SLAIN1: variants seen among roughly 807,000 people sequenced by gnomAD.
SLAIN1 encodes the protein SLAIN motif-containing protein 1.
A neutral mutation model predicts 55.4 loss-of-function variants in SLAIN1; 17 were observed. The observed-to-expected ratio is 0.31, with a 90% CI of 0.21 to 0.46. SLAIN1 has a LOEUF of 0.46. Among genes scored for constraint, SLAIN1 ranks in the 20% least tolerant of loss-of-function variants. The pLI, the probability that SLAIN1 is intolerant of heterozygous loss-of-function variation, is 1.00. For missense variants in SLAIN1, 682 were observed against 785.1 expected, an observed-to-expected ratio of 0.87 and a Z score of 1.57; for synonymous variants, 348 against 337.4, an observed-to-expected ratio of 1.03 and a Z score of -0.35.
In SLAIN1 at chr13:77,698,645, T is replaced by C; in HGVS notation, c.626+106T>C. The C allele has an allele frequency of 7.7e-7, 1 of 1,297,980 alleles. No homozygotes were observed. The allele number at this position is 1,297,980 out of a possible 1,614,324, so 80.4% of individuals were successfully genotyped here. A position where few individuals can be genotyped will look rare whatever the true frequency, so the allele number is the denominator to read the frequency against. On this transcript the variant is annotated intron_variant, in intron 1 of 6. Transcript: ENST00000418532. The surrounding 1 kb of genome is among the most constrained non-coding windows in gnomAD (Gnocchi z 4.1). ...GGGGGTCCCCTCGCGGCAGCCGGGG[T>C]GACTCCCCGCGGCTCCCGGAGGGGC... is the stretch of plus-strand genomic sequence containing the variant.
intron 2 of SLAIN1, among the ~76,000 whole-genome samples, chr13:77,737,469 T>G (rs1873177718): frequency 6.6e-6 from 1 of 152,114 alleles, no homozygotes; most frequent in African/African-American, 2.4e-5. Context: ...CATTAAAGTA[T>G]AAACTGTTCA....
At position 77,698,623 on chromosome 13, in the gene SLAIN1, G is replaced by A; in HGVS notation, c.626+84G>A. ...GGAGCGGGGGCGGGGGGCGGACGGG[G>A]GTCCCCTCGCGGCAGCCGGGGTGAC... On this transcript the variant is annotated intron_variant, in intron 1 of 6. Coordinates refer to ENST00000418532, the MANE Select transcript of SLAIN1 (RefSeq NM_001242868.2). This position sits in a 1 kb window ranked among gnomAD's most constrained non-coding sequence, Gnocchi z 4.1. 3 of 1,321,230 alleles carry A rather than the reference G, an allele frequency of 2.3e-6. No individual in the cohort carries two copies. Among genetic ancestry groups the A allele is most frequent in the Non-Finnish European group, 2.9e-6 (3 of 1,039,982 alleles). 81.8% of individuals were successfully genotyped at this position (1,321,230 alleles called of 1,614,324 possible).
chr13:77,753,709 T>C (rs73547789), intron 5 of SLAIN1, among the ~76,000 whole-genome samples: 3,502 of 152,276 alleles, frequency 0.023, 142 homozygotes, highest in African/African-American at 0.08. Context: ...GTGATTGATT[T>C]ATCCACTCAT....
rs559853395 is a variant in SLAIN1 at position 77,744,263 on chromosome 13, A to G, written c.767-20A>G. On this transcript the variant is annotated intron_variant, in intron 2 of 6. Coordinates refer to ENST00000418532, the MANE Select transcript of SLAIN1 (RefSeq NM_001242868.2). Reference sequence around the variant, plus strand: ...ATCAGTCCTGCAGATGGAAGAACACACTTTTCCTTTGTGTTTCAGGTTACA... The same window carrying G: ...ATCAGTCCTGCAGATGGAAGAACACGCTTTTCCTTTGTGTTTCAGGTTACA... The G allele has an allele frequency of 3.1e-5, 49 of 1,556,750 alleles. No homozygotes were observed. In the South Asian group the frequency reaches 4.1e-4, roughly 13 times the overall value.
intron 1 of SLAIN1, among the ~76,000 whole-genome samples, chr13:77,706,125 G>GT (rs2091087441): frequency 6.6e-6 from 1 of 152,008 alleles, no homozygotes; most frequent in African/African-American, 2.4e-5. Flanking sequence ...TCTACTAGCT[G>GT]TTTCTTTTTC....
In SLAIN1 at chr13:77,726,305, A is replaced by G. The variant is rs548762328; in HGVS notation, c.766+6634A>G. Among the ~76,000 whole-genome samples, 3 of 152,342 alleles carry G rather than the reference A, an allele frequency of 2.0e-5. No individual in the cohort carries two copies. In the South Asian group the frequency reaches 6.2e-4, roughly 32 times the overall value. On this transcript the variant is annotated intron_variant, in intron 2 of 6. Coordinates refer to ENST00000418532, the MANE Select transcript of SLAIN1 (RefSeq NM_001242868.2). ...CACAACCACAATTTTGCAAATGGTT[A>G]AATATTTTTTAAAAGATATAATAAG...
At chr13:77,740,160 G>A (rs993787866) in intron 2 of SLAIN1, among the ~76,000 whole-genome samples, 4 of 152,070 alleles carry the variant, frequency 2.6e-5, no homozygotes, top group African/African-American at 7.2e-5. Flanking sequence ...TACCTTTAAG[G>A]TCTTGCATTT....
At chr13:77,759,363 C>A (rs1330543420) in intron 5 of SLAIN1, among the ~76,000 whole-genome samples, 4 of 152,050 alleles carry the variant, frequency 2.6e-5, no homozygotes, top group Non-Finnish European at 5.9e-5. Context: ...GGTATCTAAT[C>A]ATATTATTGG....
chr13:77,698,747 A>G lies in SLAIN1; in HGVS notation c.626+208A>G, dbSNP rs573914258. Reference sequence around the variant, plus strand: ...TCATGAAGGCAGAAACCTGTTTTCTAATCGCTCCGACTGCGGATGAACCGG... The same window carrying G: ...TCATGAAGGCAGAAACCTGTTTTCTGATCGCTCCGACTGCGGATGAACCGG... On this transcript the variant is annotated intron_variant, in intron 1 of 6. Coordinates refer to ENST00000418532, the MANE Select transcript of SLAIN1 (RefSeq NM_001242868.2). The surrounding 1 kb of genome is among the most constrained non-coding windows in gnomAD (Gnocchi z 4.1). The G allele has an allele frequency of 7.0e-5, 79 of 1,122,116 alleles. No individual in the cohort carries two copies. The South Asian group carries it at 1.5e-3, about 21-fold the overall frequency. 69.5% of individuals were successfully genotyped at this position (1,122,116 alleles called of 1,614,324 possible). A position where few individuals can be genotyped will look rare whatever the true frequency, so the allele number is the denominator to read the frequency against.
intron 2 of SLAIN1, among the ~76,000 whole-genome samples, chr13:77,733,978 C>G (rs1872997951): frequency 6.6e-6 from 1 of 152,172 alleles, no homozygotes; most frequent in Non-Finnish European, 1.5e-5. Flanking sequence ...GCTTGTATCT[C>G]AGTCTGTGCA....
At chr13:77,716,133 T>TC in intron 1 of SLAIN1, among the ~76,000 whole-genome samples, 1 of 152,116 alleles carries the variant, frequency 6.6e-6, no homozygotes, top group South Asian at 2.1e-4. Context: ...GTTTTTTTTT[T>TC]TCTCACATAT....
chr13:77,707,309 T>A (rs544739963), intron 1 of SLAIN1, among the ~76,000 whole-genome samples: 46 of 152,266 alleles, frequency 3.0e-4, no homozygotes, highest in African/African-American at 1.1e-3. Flanking sequence ...TAGTTTCATT[T>A]CCCAAGCATG....
Position 77,719,651 on chromosome 13 carries a change from T to G in SLAIN1, c.746T>G (p.Leu249Arg). 1 of 1,613,400 alleles carries G rather than the reference T, an allele frequency of 6.2e-7. No individual in the cohort carries two copies. Among genetic ancestry groups the G allele is most frequent in the Non-Finnish European group, 8.5e-7 (1 of 1,179,522 alleles). ...GAGATGGAAGCAGCGAGACGTTCCC[T>G]GTGCTTTAGACTGGAGCAAGGTAAT... is the stretch of plus-strand genomic sequence containing the variant. ...TPEMEAARRS[L>R]CFRLEQGYTS... Residue 249 changes from leucine (L) to arginine (R), a missense_variant, in exon 2 of 7, where the codon CTG (leucine) becomes CGG (arginine). Transcript: ENST00000418532.
At chr13:77,699,253 A>AT (rs908909911) in intron 1 of SLAIN1, 19 of 366,396 alleles carry the variant, frequency 5.2e-5, no homozygotes, top group Middle Eastern at 7.3e-4. Flanking sequence ...TTATTTATTT[A>AT]TTTTTTTACC....
At chr13:77,707,622 GT>G (rs1468829157) in intron 1 of SLAIN1, among the ~76,000 whole-genome samples, 1 of 152,088 alleles carries the variant, frequency 6.6e-6, no homozygotes, top group East Asian at 1.9e-4. Context: ...GATTGGATGG[GT>G]AGCCAGGCCA....
intron 4 of SLAIN1, among the ~76,000 whole-genome samples, chr13:77,747,135 G>T (rs193063274): frequency 7.9e-5 from 12 of 151,808 alleles, no homozygotes; most frequent in African/African-American, 2.9e-4. Flanking sequence ...TAGAGATGGG[G>T]TTTCACCCTG....
chr13:77,734,510 A>C (rs1247790960), intron 2 of SLAIN1, among the ~76,000 whole-genome samples: 5 of 152,174 alleles, frequency 3.3e-5, no homozygotes, highest in Non-Finnish European at 1.5e-5. Context: ...ATCCTGACCA[A>C]GCTTTTGAAG....
chr13:77,716,796 T>C (rs2091212397), intron 1 of SLAIN1, among the ~76,000 whole-genome samples: 1 of 152,190 alleles, frequency 6.6e-6, no homozygotes. Flanking sequence ...TTTTTTTACA[T>C]AGATGATCAT....
chr13:77,706,654 A>C (rs1032873480), intron 1 of SLAIN1, among the ~76,000 whole-genome samples: 3 of 144,360 alleles, frequency 2.1e-5, no homozygotes, highest in Admixed American at 1.4e-4. Flanking sequence ...CCTTCTTCTT[A>C]AATCCTTTTC....
Sources: allele counts gnomAD v4.1 joint callset (sites outside exome capture counted in the v4.1 genomes callset), GRCh38; gene constraint gnomAD v4.1.1; non-coding constraint Gnocchi (gnomAD v3.1); transcripts MANE v1.5; gene names NCBI Gene and HGNC (gene_info 2026-07-23, HGNC 2026-07-21).